The following EXD2 variants were observed in gnomAD, a reference collection of about 807,000 sequenced individuals.
The protein encoded by EXD2 is exonuclease 3'-5' domain containing 2, also known as exonuclease 3'-5' domain-containing protein 2.
In EXD2, 40 loss-of-function variants were observed where a neutral mutation model predicts 62.5. The observed-to-expected ratio is 0.64, with a 90% CI of 0.50 to 0.83. The LOEUF (loss-of-function observed/expected upper bound fraction) is 0.83. EXD2 is among the 40% of genes least tolerant of loss of function. The pLI, the probability that EXD2 is intolerant of heterozygous loss-of-function variation, is 0.00. For missense variants in EXD2, 671 were observed against 761.8 expected (o/e 0.88, Z 1.40); for synonymous variants, 239 against 291.9 (o/e 0.82, Z 1.85).
At chr14:69,220,244 T>C (rs190771247) in intron 3 of EXD2, among the ~76,000 whole-genome samples, 1,633 of 141,784 alleles carry the variant, frequency 0.012, 38 homozygotes, top group African/African-American at 0.041. Context: ...GCAAGTGTTT[T>C]GTCTCTCTGT....
At chr14:69,219,115 C>T (rs1015064428) in intron 3 of EXD2, among the ~76,000 whole-genome samples, 3 of 152,268 alleles carry the variant, frequency 2.0e-5, no homozygotes, top group East Asian at 1.9e-4. Context: ...GCCATTTTCA[C>T]GATATTGATT....
intron 3 of EXD2, chr14:69,210,126 C>T (rs1435338595): frequency 5.1e-6 from 1 of 194,704 alleles, no homozygotes; most frequent in African/African-American, 2.3e-5. Context: ...GTCATGGTAC[C>T]TACCTCCAGT....
chr14:69,222,440 A>T (rs960222717), intron 3 of EXD2, among the ~76,000 whole-genome samples: 5 of 152,128 alleles, frequency 3.3e-5, no homozygotes, highest in Admixed American at 2.0e-4. Context: ...GGTCAAGTTG[A>T]TGGCTTTCTT....
intron 9 of EXD2, among the ~76,000 whole-genome samples, chr14:69,238,837 G>A (rs907332996): frequency 6.6e-6 from 1 of 152,174 alleles, no homozygotes; most frequent in Admixed American, 6.5e-5. Context: ...GTTTCACCAG[G>A]CTGCCCAGGC....
At chr14:69,194,816 A>G (rs2042145572) in intron 1 of EXD2, among the ~76,000 whole-genome samples, 1 of 152,238 alleles carries the variant, frequency 6.6e-6, no homozygotes, top group South Asian at 2.1e-4. Context: ...ATTGGAAGTC[A>G]TATACTATAT....
intron 2 of EXD2, among the ~76,000 whole-genome samples, chr14:69,208,210 ATT>A (rs11446992): frequency 3.6e-5 from 4 of 112,572 alleles, no homozygotes; most frequent in Non-Finnish European, 3.5e-5. Context: ...GCCACTTACT[ATT>A]TTTTTTTTTT....
intron 1 of EXD2, among the ~76,000 whole-genome samples, chr14:69,201,925 A>G (rs992375057): frequency 4.0e-5 from 6 of 151,290 alleles, no homozygotes; most frequent in Admixed American, 1.3e-4. Context: ...CAGGTATTCC[A>G]CCTGCCTCGG....
intron 3 of EXD2, among the ~76,000 whole-genome samples, chr14:69,214,723 A>G (rs1021364743): frequency 6.6e-6 from 1 of 151,986 alleles, no homozygotes; most frequent in Non-Finnish European, 1.5e-5. Flanking sequence ...AAGAAAGTCT[A>G]TTTACTTTCT....
chr14:69,226,558 G>A (rs981773121), intron 3 of EXD2, among the ~76,000 whole-genome samples: 1 of 152,070 alleles, frequency 6.6e-6, no homozygotes, highest in Non-Finnish European at 1.5e-5. Flanking sequence ...GACCAGCCTG[G>A]CCAACATGGT....
chr14:69,194,684 C>G (rs1298961535), intron 1 of EXD2, among the ~76,000 whole-genome samples: 1 of 152,126 alleles, frequency 6.6e-6, no homozygotes, highest in African/African-American at 2.4e-5. Context: ...TGTTTCTAGA[C>G]TGTCTTCTGT....
At chr14:69,226,919 C>T (rs2043384610) in intron 3 of EXD2, among the ~76,000 whole-genome samples, 1 of 152,084 alleles carries the variant, frequency 6.6e-6, no homozygotes, top group African/African-American at 2.4e-5. Context: ...TTTACCATGT[C>T]ATTTTCTGTG....
intron 5 of EXD2, among the ~76,000 whole-genome samples, chr14:69,234,073 A>G (rs1425088886): frequency 6.6e-6 from 1 of 152,114 alleles, no homozygotes; most frequent in African/African-American, 2.4e-5. Flanking sequence ...GGCCCACAGT[A>G]CTTTTCTTTA....
intron 3 of EXD2, chr14:69,224,253 T>TG (rs1211509003): frequency 6.5e-6 from 1 of 153,034 alleles, no homozygotes; most frequent in Non-Finnish European, 1.5e-5. Context: ...CCGCCCACCT[T>TG]GGCCTCCCAA....
Position 69,241,816 on chromosome 14 carries a change from T to A in EXD2, c.*716T>A. Reference sequence around the variant, plus strand: ...GGGGCAGAAAGAACCACAAACTCCATCTCCCAATAGAACTTTGAAATTCAC... The same window carrying A: ...GGGGCAGAAAGAACCACAAACTCCAACTCCCAATAGAACTTTGAAATTCAC... On this transcript the variant is annotated 3_prime_UTR_variant, in exon 10 of 10. Coordinates refer to ENST00000685843, the MANE Select transcript of EXD2 (RefSeq NM_001193360.2). 1 of 399,020 alleles carries A rather than the reference T, an allele frequency of 2.5e-6. No individual in the cohort carries two copies. The highest frequency in any genetic ancestry group is 3.6e-5 in the East Asian group (1 of 28,078). The allele number at this position is 399,020 out of a possible 1,614,324, so 24.7% of individuals were successfully genotyped here.
chr14:69,230,397 T>C, intron 4 of EXD2, 75 bp from the exon 5 acceptor site: 1 of 959,496 alleles, frequency 1.0e-6, no homozygotes, highest in Non-Finnish European at 1.6e-6. Context: ...TATTGGCCAT[T>C]TATATGTCTT....
At position 69,228,861 on chromosome 14, in the gene EXD2, G is replaced by T. The variant is rs992474661; in HGVS notation, c.379G>T (p.Ala127Ser). 6.2e-7 allele frequency: 1 copy of T among 1,614,128 alleles called. No homozygotes were observed. The highest frequency in any genetic ancestry group is 8.5e-7 in the Non-Finnish European group (1 of 1,180,022). Residue 127 changes from alanine (A) to serine (S), a missense_variant, in exon 4 of 10, where the codon GCC becomes TCC. Coordinates refer to ENST00000685843, the MANE Select transcript of EXD2 (RefSeq NM_001193360.2). ...KASPLSLLQM[A>S]SPSGLCVLVR... The stretch of plus-strand genomic sequence containing the variant: ...CAGCCCTCTGTCACTTCTACAAATG[G>T]CCTCCCCAAGTGGCCTGTGTGTCTT...
chr14:69,237,005 G>A (rs540269576), intron 8 of EXD2, among the ~76,000 whole-genome samples: 145 of 152,346 alleles, frequency 9.5e-4, no homozygotes, highest in Non-Finnish European at 1.3e-3. Context: ...TGAGTGCCCA[G>A]ACACTTGGGC....
At chr14:69,220,253 G>GTTTTTTGTTTTTTTTTTTTT (rs2043126549) in intron 3 of EXD2, among the ~76,000 whole-genome samples, 8 of 35,116 alleles carry the variant, frequency 2.3e-4, no homozygotes, top group Non-Finnish European at 4.0e-4. Context: ...TTGTCTCTCT[G>GTTTTTTGTTTTTTTTTTTTT]TTTTTTTTTT....
intron 3 of EXD2, 77 bp downstream of exon 3, chr14:69,209,880 A>G (rs1594744049): frequency 2.5e-6 from 3 of 1,206,602 alleles, no homozygotes; most frequent in East Asian, 5.2e-5. Flanking sequence ...TGGACAGTCA[A>G]GTAGAAAATA....
Sources: gnomAD v4.1 joint callset for allele counts (sites outside exome capture counted in the v4.1 genomes callset) on GRCh38, gnomAD v4.1.1 for gene constraint, MANE v1.5 for transcripts, NCBI Gene and HGNC (gene_info 2026-07-23, HGNC 2026-07-21) for gene names.